Variants in WNT9B observed in about 807,000 individuals in gnomAD.
The protein encoded by WNT9B is Wnt family member 9B, also known as protein Wnt-9b.
WNT9B carries 12 observed loss-of-function variants against 30.2 expected under a neutral mutation model. That is an observed-to-expected ratio of 0.40 (90% CI 0.26 to 0.64). WNT9B has a LOEUF of 0.64. Ranked by LOEUF, WNT9B falls within the 30% of genes least tolerant of loss-of-function variation. WNT9B has a pLI of 0.42. For missense variants in WNT9B, 442 were observed against 485.2 expected, an observed-to-expected ratio of 0.91 and a Z score of 0.84; for synonymous variants, 218 against 216.9, an observed-to-expected ratio of 1.01 and a Z score of -0.05.
chr17:46,882,035 A>G (rs577228859), downstream of WNT9B, among the ~76,000 whole-genome samples: 280 of 152,244 alleles, frequency 1.8e-3, 1 homozygote, highest in African/African-American at 6.4e-3. Flanking sequence ...TCACACCCAT[A>G]ATCCCAGCGA....
chr17:46,847,106 A>G (rs931069730), upstream of WNT9B, among the ~76,000 whole-genome samples: 1 of 152,240 alleles, frequency 6.6e-6, no homozygotes, highest in Non-Finnish European at 1.5e-5. Flanking sequence ...AATGCAAGGA[A>G]GATAAAAACA....
chr17:46,859,897 A>G (rs2085005592), intron 1 of WNT9B, among the ~76,000 whole-genome samples: 1 of 152,208 alleles, frequency 6.6e-6, no homozygotes, highest in African/African-American at 2.4e-5. Context: ...GTGTGCAGGC[A>G]TTGAAAATTT....
chr17:46,869,232 A>T (rs906559600), intron 1 of WNT9B, among the ~76,000 whole-genome samples: 6 of 152,180 alleles, frequency 3.9e-5, no homozygotes, highest in African/African-American at 1.4e-4. Flanking sequence ...CCGACTTGAT[A>T]CTGGACTCTC....
At chr17:46,849,275 T>G (rs1489094031), upstream of WNT9B, among the ~76,000 whole-genome samples, 1 of 152,258 alleles carries the variant, frequency 6.6e-6, no homozygotes, top group Non-Finnish European at 1.5e-5. Flanking sequence ...ATTCATAGGC[T>G]TACCCATCAG....
At chr17:46,839,655 C>T (rs2084675870) in intron 1 of WNT9B, among the ~76,000 whole-genome samples, 1 of 152,176 alleles carries the variant, frequency 6.6e-6, no homozygotes, top group African/African-American at 2.4e-5. Context: ...TTACACTAGG[C>T]ATTTCTCCCA....
chr17:46,858,978 CT>C (rs35256955), intron 1 of WNT9B, among the ~76,000 whole-genome samples: 5,124 of 134,062 alleles, frequency 0.038, 173 homozygotes, highest in African/African-American at 0.11. Flanking sequence ...ATAATTTTAG[CT>C]TTTTTTTTTT....
At chr17:46,868,595 A>AAAAAC (rs57933868) in intron 1 of WNT9B, among the ~76,000 whole-genome samples, 252 of 152,114 alleles carry the variant, frequency 1.7e-3, no homozygotes, top group African/African-American at 5.2e-3. Flanking sequence ...GACTCGATTA[A>AAAAAC]AAAACAAAAC....
chr17:46,878,265 C>T lies in WNT9B; in HGVS notation c.*1547C>T, dbSNP rs753853060. Among the ~76,000 whole-genome samples, 3 of 152,232 alleles carry T rather than the reference C, an allele frequency of 2.0e-5. No homozygotes were observed. Among genetic ancestry groups the T allele is most frequent in the Non-Finnish European group, 4.4e-5 (3 of 68,040 alleles). ...TCCTTTCTCCCTAAACCTAGAGTTG[C>T]TGACCCTTCACCAACACAGGAAATT... is the stretch of plus-strand genomic sequence containing the variant. On this transcript the variant is annotated 3_prime_UTR_variant, in exon 4 of 4. Coordinates refer to ENST00000290015, the MANE Select transcript of WNT9B (RefSeq NM_003396.3).
intron 1 of WNT9B, among the ~76,000 whole-genome samples, chr17:46,854,245 A>G (rs939095302): frequency 6.6e-6 from 1 of 152,242 alleles, no homozygotes. Flanking sequence ...CCAGCTTCCC[A>G]TCTGCATTCG....
chr17:46,851,066 C>T (rs1321909981), upstream of WNT9B, among the ~76,000 whole-genome samples: 1 of 152,234 alleles, frequency 6.6e-6, no homozygotes, highest in Non-Finnish European at 1.5e-5. This position sits in a 1 kb window ranked among gnomAD's most constrained non-coding sequence, Gnocchi z 4.3. Flanking sequence ...CCCCCGCTTC[C>T]AGAGAGCGGT....
chr17:46,833,504 C>A, intron 1 of WNT9B: 1 of 457,308 alleles, frequency 2.2e-6, no homozygotes, highest in Non-Finnish European at 4.4e-6. Flanking sequence ...ACCTCACTGC[C>A]TGACTTCTCT....
At chr17:46,853,266 G>T (rs2146545961) in intron 1 of WNT9B, among the ~76,000 whole-genome samples, 1 of 148,732 alleles carries the variant, frequency 6.7e-6, no homozygotes, top group South Asian at 2.2e-4. Context: ...GTAAAATGAA[G>T]ATTATACTGC....
At position 46,857,165 on chromosome 17, in the gene WNT9B, T is replaced by C. The variant is rs2084952137; in HGVS notation, c.77+5450T>C. Among the ~76,000 whole-genome samples the C allele has an allele frequency of 2.0e-5, 3 of 152,228 alleles. No individual in the cohort carries two copies. In the South Asian group the frequency reaches 6.2e-4, roughly 32 times the overall value. ...ACAAATTATTTATCCATTCCCCACT[T>C]GATAGACATTTGGGTTATTTTGGCT... On this transcript the variant is annotated intron_variant, in intron 1 of 3. Transcript: ENST00000290015.
chr17:46,849,218 A>G (rs1287098118), upstream of WNT9B, among the ~76,000 whole-genome samples: 1 of 152,262 alleles, frequency 6.6e-6, no homozygotes, highest in Non-Finnish European at 1.5e-5. Flanking sequence ...CTCACTCTCC[A>G]GCCACTGATG....
At chr17:46,881,375 C>T (rs2085420388), downstream of WNT9B, among the ~76,000 whole-genome samples, 2 of 152,246 alleles carry the variant, frequency 1.3e-5, no homozygotes, top group African/African-American at 4.8e-5. Flanking sequence ...CGTCCACATG[C>T]AGCAGCAGGC....
intron 1 of WNT9B, among the ~76,000 whole-genome samples, chr17:46,857,306 T>A (rs988087448): frequency 2.6e-5 from 4 of 151,882 alleles, no homozygotes; most frequent in Non-Finnish European, 5.9e-5. Flanking sequence ...CCATCTCTAC[T>A]AAAATTACAA....
chr17:46,833,380 C>T (rs760341342), exon 1 of WNT9B: 3 of 518,488 alleles, frequency 5.8e-6, no homozygotes, highest in African/African-American at 3.8e-5. Flanking sequence ...GATCCTCTGG[C>T]ATGCCAAGGC....
At chr17:46,860,830 T>C (rs1393302760) in intron 1 of WNT9B, among the ~76,000 whole-genome samples, 2 of 152,206 alleles carry the variant, frequency 1.3e-5, no homozygotes, top group African/African-American at 4.8e-5. Context: ...TAGGTGCTGA[T>C]ATAATTCTCA....
Position 46,851,668 on chromosome 17 carries a change from C to T in WNT9B, c.30C>T (p.Ala10=). ...GCCCCCCGCCCGCGCTGGCCCTGGC[C>T]GGGCTCTGCCTGCTGGCGCTGCCCG... The part of the protein sequence containing the change: MRPPPALAL[A]GLCLLALPAA... The change falls in exon 1 of 4, where the codon GCC becomes GCT. Residue 10 remains alanine (A), a synonymous_variant. Transcript: ENST00000290015. The surrounding 1 kb of genome is among the most constrained non-coding windows in gnomAD (Gnocchi z 4.3). The T allele has an allele frequency of 3.1e-6, 4 of 1,305,140 alleles. No homozygotes were observed. The highest frequency in any genetic ancestry group is 3.9e-6 in the Non-Finnish European group (4 of 1,030,926). The allele number at this position is 1,305,140 out of a possible 1,614,324, so 80.8% of individuals were successfully genotyped here. A position where few individuals can be genotyped will look rare whatever the true frequency, so the allele number is the denominator to read the frequency against.
Sources: gnomAD v4.1 joint callset for allele counts (sites outside exome capture counted in the v4.1 genomes callset) on GRCh38, gnomAD v4.1.1 for gene constraint, Gnocchi (gnomAD v3.1) non-coding constraint, MANE v1.5 for transcripts, NCBI Gene and HGNC (gene_info 2026-07-23, HGNC 2026-07-21) for gene names.